Variants in RASSF5 observed in about 807,000 individuals in gnomAD.
RASSF5 encodes the protein Ras association domain family member 5, also known as ras association domain-containing protein 5.
A neutral mutation model predicts 40.5 loss-of-function variants in RASSF5; 25 were observed. The ratio of observed to expected loss-of-function variants is 0.62; its 90% CI spans 0.45 to 0.86. The LOEUF (loss-of-function observed/expected upper bound fraction) is 0.86, where lower values mean the gene tolerates loss of function less well. Among genes scored for constraint, RASSF5 ranks in the 40% least tolerant of loss-of-function variants. RASSF5 has a pLI of 0.00. For synonymous variants in RASSF5, 246 were observed against 252.4 expected (o/e 0.97, Z 0.24); for missense variants, 521 against 572.8 (o/e 0.91, Z 0.92).
At chr1:206,515,571 G>A (rs1290799226) in intron 1 of RASSF5, among the ~76,000 whole-genome samples, 1 of 152,216 alleles carries the variant, frequency 6.6e-6, no homozygotes, top group African/African-American at 2.4e-5. Flanking sequence ...GGGACAGCTA[G>A]GGTGAAGAAG....
intron 1 of RASSF5, among the ~76,000 whole-genome samples, chr1:206,517,942 G>A (rs1248458022): frequency 2.6e-5 from 4 of 152,098 alleles, no homozygotes; most frequent in Non-Finnish European, 4.4e-5. Context: ...TGTCCCTTAG[G>A]AGCCTGTACA....
chr1:206,585,394 A>G, intron 5 of RASSF5, 99 bp downstream of exon 5: 1 of 836,310 alleles, frequency 1.2e-6, no homozygotes, highest in Non-Finnish European at 2.1e-6. Flanking sequence ...GGAGCCACGC[A>G]GCACGGGCAG....
intron 2 of RASSF5, among the ~76,000 whole-genome samples, chr1:206,569,834 G>A (rs1273582227): frequency 1.3e-5 from 2 of 152,010 alleles, no homozygotes; most frequent in African/African-American, 4.8e-5. Flanking sequence ...GTCATTTTTT[G>A]TGTTCATTTT....
intron 1 of RASSF5, among the ~76,000 whole-genome samples, chr1:206,520,492 A>G (rs1666876633): frequency 6.6e-6 from 1 of 152,006 alleles, no homozygotes; most frequent in Non-Finnish European, 1.5e-5. Context: ...CTGTAATCCC[A>G]GCTACTCGGG....
chr1:206,533,545 G>A (rs1309950045), intron 1 of RASSF5, among the ~76,000 whole-genome samples: 6 of 152,026 alleles, frequency 3.9e-5, no homozygotes, highest in African/African-American at 1.2e-4. Flanking sequence ...CACTTGAGGC[G>A]GGGAGTTTGA....
rs1669261467 is a variant in RASSF5, at chr1:206,589,216, T to C, written c.*2238T>C. The stretch of plus-strand genomic sequence containing the variant: ...TGTTTGTTTCCAGGATATTTTCTTT[T>C]TAAATGTCTTTCTTATATGGGTTTT... On this transcript the variant is annotated 3_prime_UTR_variant, in exon 6 of 6. Transcript: ENST00000579436. 1 of 152,772 alleles carries C rather than the reference T, an allele frequency of 6.5e-6. No individual in the cohort carries two copies. The highest frequency in any genetic ancestry group is 2.4e-5 in the African/African-American group (1 of 41,454). The allele number at this position is 152,772 out of a possible 1,614,324, so 9.5% of individuals were successfully genotyped here.
chr1:206,577,485 G>T (rs782148119), intron 2 of RASSF5, among the ~76,000 whole-genome samples: 11 of 152,192 alleles, frequency 7.2e-5, no homozygotes, highest in Non-Finnish European at 1.3e-4. Flanking sequence ...GACAATAAGG[G>T]ATTTTTATCC....
At chr1:206,534,788 C>T (rs1553398427) in intron 1 of RASSF5, among the ~76,000 whole-genome samples, 1 of 152,234 alleles carries the variant, frequency 6.6e-6, no homozygotes, top group Non-Finnish European at 1.5e-5. Context: ...CTCGGGCTAG[C>T]ACAGAGCACG....
At chr1:206,582,225 CT>C (rs1453990686) in intron 2 of RASSF5, among the ~76,000 whole-genome samples, 4 of 152,218 alleles carry the variant, frequency 2.6e-5, no homozygotes, top group African/African-American at 9.7e-5. Context: ...GAATTCACCC[CT>C]GTATTGTCTC....
chr1:206,557,874 T>G (rs1668034361), intron 2 of RASSF5, among the ~76,000 whole-genome samples: 1 of 152,202 alleles, frequency 6.6e-6, no homozygotes, highest in African/African-American at 2.4e-5. Flanking sequence ...CACTATTCAG[T>G]TGGTCAGCCC....
intron 1 of RASSF5, among the ~76,000 whole-genome samples, chr1:206,523,415 A>T (rs1372284791): frequency 8.6e-6 from 1 of 116,642 alleles, no homozygotes; most frequent in African/African-American, 3.3e-5. Flanking sequence ...AATATTATAT[A>T]TTATATATTA....
chr1:206,540,841 C>T (rs1425694987), intron 2 of RASSF5, among the ~76,000 whole-genome samples: 3 of 152,028 alleles, frequency 2.0e-5, no homozygotes, highest in East Asian at 1.9e-4. Context: ...CAGCTACTTC[C>T]GGGTATATAT....
intron 2 of RASSF5, among the ~76,000 whole-genome samples, chr1:206,556,792 C>T (rs1572337776): frequency 6.6e-6 from 1 of 152,212 alleles, no homozygotes; most frequent in East Asian, 1.9e-4. Context: ...CTAACCATTC[C>T]GATTGACCCG....
In RASSF5 at chr1:206,538,413, C is replaced by T. The variant is rs954114174; in HGVS notation, c.579+120C>T. ...GGCATGAGGCCTCAGATTCCACATG[C>T]ACTGGATGGAGTTCACAGACACCCT... On this transcript the variant is annotated intron_variant, in intron 2 of 5. Coordinates refer to ENST00000579436, the MANE Select transcript of RASSF5 (RefSeq NM_182663.4). 4 of 1,336,306 alleles carry T rather than the reference C, an allele frequency of 3.0e-6. No individual in the cohort carries two copies. In the African/African-American group the frequency reaches 5.8e-5, roughly 19 times the overall value. 82.8% of individuals were successfully genotyped at this position (1,336,306 alleles called of 1,614,324 possible).
rs1023478370 is a variant in RASSF5 at position 206,587,450 on chromosome 1, C to T, written c.*472C>T. 4.5e-5 allele frequency: 10 copies of T among 221,434 alleles called. No homozygotes were observed. The highest frequency in any genetic ancestry group is 2.4e-4 in the African/African-American group (10 of 42,526). The allele number at this position is 221,434 out of a possible 1,614,324, so 13.7% of individuals were successfully genotyped here. On this transcript the variant is annotated 3_prime_UTR_variant, in exon 6 of 6. Transcript: ENST00000579436. ...ATTCCTTTTGCAGGTCTGAGCTAAGCCCCTGAAAGCAGGGTAATGCTCATA... is the reference window on the plus strand; with the variant it reads ...ATTCCTTTTGCAGGTCTGAGCTAAGTCCCTGAAAGCAGGGTAATGCTCATA...
At position 206,560,306 on chromosome 1, in the gene RASSF5, T is replaced by C. The variant is rs1247675684; in HGVS notation, c.579+22013T>C. Among the ~76,000 whole-genome samples, 1 of 152,064 alleles carries C rather than the reference T, an allele frequency of 6.6e-6. No homozygotes were observed. The highest frequency in any genetic ancestry group is 1.5e-5 in the Non-Finnish European group (1 of 68,000). ...GCTGTGCGATGCCACCACCTGGGAGTTGCCACTGGTCAGTCCCAGGAGTTC... is the reference window on the plus strand; with the variant it reads ...GCTGTGCGATGCCACCACCTGGGAGCTGCCACTGGTCAGTCCCAGGAGTTC... On this transcript the variant is annotated intron_variant, in intron 2 of 5. Coordinates refer to ENST00000579436, the MANE Select transcript of RASSF5 (RefSeq NM_182663.4). This position sits in a 1 kb window ranked among gnomAD's most constrained non-coding sequence, Gnocchi z 5.1.
At chr1:206,572,068 T>C (rs1290312049) in intron 2 of RASSF5, among the ~76,000 whole-genome samples, 1 of 152,236 alleles carries the variant, frequency 6.6e-6, no homozygotes, top group East Asian at 1.9e-4. Flanking sequence ...AATTCTCATC[T>C]GGTGTTCAGT....
At position 206,508,048 on chromosome 1, in the gene RASSF5, T is replaced by C; in HGVS notation, c.446T>C (p.Leu149Pro). ...GGACGAGAGGTGCTGCGGCAGGCGC[T>C]GCGCTGCACTAGTAAGTGTGAAGGC... ...LCGREVLRQA[L>P]RCTNCKFTCH... The change falls in exon 1 of 6, where the codon CTG (leucine) becomes CCG (proline). Residue 149 changes from leucine (L) to proline (P), a missense_variant. This residue lies in a region of RASSF5 where 284 missense variants were observed against 360.8 expected (regional missense o/e 0.79). Coordinates refer to ENST00000579436, the MANE Select transcript of RASSF5 (RefSeq NM_182663.4). 1 of 1,402,190 alleles carries C rather than the reference T, an allele frequency of 7.1e-7. No individual in the cohort carries two copies. The allele number at this position is 1,402,190 out of a possible 1,614,324, so 86.9% of individuals were successfully genotyped here. A position where few individuals can be genotyped will look rare whatever the true frequency, so the allele number is the denominator to read the frequency against.
chr1:206,550,720 C>T (rs1553400931), intron 2 of RASSF5, among the ~76,000 whole-genome samples: 1 of 152,170 alleles, frequency 6.6e-6, no homozygotes, highest in Non-Finnish European at 1.5e-5. Flanking sequence ...ACATAGTTTC[C>T]CTTGCCCCTA....
Sources: allele counts gnomAD v4.1 joint callset (sites outside exome capture counted in the v4.1 genomes callset), GRCh38; gene constraint gnomAD v4.1.1; regional missense constraint gnomAD v4.1.1; non-coding constraint Gnocchi (gnomAD v3.1); transcripts MANE v1.5; gene names NCBI Gene and HGNC (gene_info 2026-07-23, HGNC 2026-07-21).